The following TPRG1 variants were observed in gnomAD, a reference collection of about 807,000 sequenced individuals.
TPRG1 encodes the protein tumor protein p63-regulated gene 1 protein.
TPRG1 carries 29 observed loss-of-function variants against 29.3 expected under a neutral mutation model. The observed-to-expected ratio is 0.99, with a 90% CI of 0.74 to 1.35. The LOEUF (loss-of-function observed/expected upper bound fraction) is 1.35. Ranked by LOEUF, TPRG1 falls within the 40% of genes most tolerant of loss-of-function variation. TPRG1 has a pLI of 0.00. For missense variants in TPRG1, 327 were observed against 335.0 expected (o/e 0.98, Z 0.19); for synonymous variants, 130 against 116.8 (o/e 1.11, Z -0.73).
chr3:189,198,947 A>G (rs1024218091), intron 1 of TPRG1, among the ~76,000 whole-genome samples: 1 of 152,202 alleles, frequency 6.6e-6, no homozygotes, highest in African/African-American at 2.4e-5. Flanking sequence ...TTCTTTATGT[A>G]TTTTTTGAGA....
intron 5 of TPRG1, among the ~76,000 whole-genome samples, chr3:189,161,845 G>A (rs975238255): frequency 6.6e-6 from 1 of 152,190 alleles, no homozygotes; most frequent in Non-Finnish European, 1.5e-5. Context: ...GAGGGTCAAG[G>A]TGAAGGCAGA....
intron 1 of TPRG1, among the ~76,000 whole-genome samples, chr3:188,999,850 C>G (rs1456748583): frequency 6.6e-6 from 1 of 151,932 alleles, no homozygotes; most frequent in Non-Finnish European, 1.5e-5. Context: ...TACATATATA[C>G]GTACATACTT....
chr3:189,067,590 G>A (rs957752066), intron 4 of TPRG1, among the ~76,000 whole-genome samples: 45 of 152,138 alleles, frequency 3.0e-4, no homozygotes, highest in African/African-American at 1.4e-4. Flanking sequence ...TCTTAAGTAA[G>A]TGGTGGTGGG....
At chr3:189,192,743 TCTTTCTC>T (rs112944205) in intron 1 of TPRG1, among the ~76,000 whole-genome samples, 4 of 152,306 alleles carry the variant, frequency 2.6e-5, no homozygotes, top group African/African-American at 9.6e-5. Flanking sequence ...CTTCTTTTTT[TCTTTCTC>T]CTTTGAGTAT....
intron 5 of TPRG1, among the ~76,000 whole-genome samples, chr3:189,159,870 T>TGTGTGTGTGG: frequency 9.9e-6 from 1 of 101,060 alleles, no homozygotes; most frequent in African/African-American, 3.2e-5. Context: ...GTGTGTGTGG[T>TGTGTGTGTGG]GGTGGGGGTA....
intron 4 of TPRG1, among the ~76,000 whole-genome samples, chr3:189,024,633 G>T (rs986663722): frequency 1.3e-5 from 2 of 152,182 alleles, no homozygotes; most frequent in Admixed American, 6.5e-5. Context: ...GAACAGATGA[G>T]CTGTCCAAAC....
chr3:189,175,631 GA>G (rs1445557978), intron 1 of TPRG1, among the ~76,000 whole-genome samples: 1 of 151,726 alleles, frequency 6.6e-6, no homozygotes, highest in East Asian at 1.9e-4. Flanking sequence ...AGAAGTAACA[GA>G]AAAAAAAGAA....
intron 4 of TPRG1, among the ~76,000 whole-genome samples, chr3:189,028,123 T>A (rs1713754580): frequency 6.6e-6 from 1 of 152,142 alleles, no homozygotes; most frequent in Admixed American, 6.5e-5. Flanking sequence ...TTCTGGTGAA[T>A]AACAGGAAGA....
intron 4 of TPRG1, among the ~76,000 whole-genome samples, chr3:189,295,116 A>G (rs1045450685): frequency 3.3e-5 from 5 of 152,190 alleles, no homozygotes; most frequent in Non-Finnish European, 5.9e-5. Context: ...TTCTCATTAT[A>G]CTTTTTCATG....
chr3:189,134,057 C>T (rs1723425621), intron 3 of TPRG1, among the ~76,000 whole-genome samples: 1 of 152,118 alleles, frequency 6.6e-6, no homozygotes. Flanking sequence ...GTTAGCTATT[C>T]AACCCATAGT....
intron 4 of TPRG1, among the ~76,000 whole-genome samples, chr3:189,077,051 T>C (rs1026380222): frequency 6.6e-6 from 1 of 152,082 alleles, no homozygotes; most frequent in South Asian, 2.1e-4. Context: ...AGTGATGATA[T>C]GGAGCAAGTG....
chr3:189,314,955 A>T (rs1186887639), intron 5 of TPRG1, among the ~76,000 whole-genome samples: 2 of 152,140 alleles, frequency 1.3e-5, no homozygotes, highest in Non-Finnish European at 2.9e-5. Flanking sequence ...CCATGTCTTT[A>T]AAAAAACTTA....
intron 5 of TPRG1, among the ~76,000 whole-genome samples, chr3:189,316,697 T>C (rs143235361): frequency 6.6e-6 from 1 of 152,278 alleles, no homozygotes; most frequent in African/African-American, 2.4e-5. Flanking sequence ...TACTTTATCC[T>C]AACCAACACA....
chr3:189,083,503 AT>A (rs1165011598), intron 4 of TPRG1, among the ~76,000 whole-genome samples: 1 of 152,146 alleles, frequency 6.6e-6, no homozygotes, highest in African/African-American at 2.4e-5. Context: ...GGTGACTTTA[AT>A]TTTAATACCA....
At chr3:189,039,783 T>G (rs1714511577) in intron 4 of TPRG1, among the ~76,000 whole-genome samples, 1 of 152,164 alleles carries the variant, frequency 6.6e-6, no homozygotes, top group Admixed American at 6.5e-5. Context: ...GTGAAGCTTG[T>G]CTTAATTCAG....
chr3:189,070,841 G>A (rs1388142456), intron 4 of TPRG1, among the ~76,000 whole-genome samples: 2 of 152,098 alleles, frequency 1.3e-5, no homozygotes, highest in Non-Finnish European at 2.9e-5. Flanking sequence ...TGGGGCTTGC[G>A]AGAAGTGTGA....
At chr3:189,004,076 A>G (rs1712167571) in intron 2 of TPRG1, among the ~76,000 whole-genome samples, 1 of 152,150 alleles carries the variant, frequency 6.6e-6, no homozygotes, top group Non-Finnish European at 1.5e-5. Flanking sequence ...AGGGCCAAAA[A>G]AGACAAAATG....
intron 4 of TPRG1, among the ~76,000 whole-genome samples, chr3:189,290,504 C>T (rs902517344): frequency 2.0e-5 from 3 of 152,212 alleles, no homozygotes; most frequent in Admixed American, 2.0e-4. Context: ...TTTGTCTTAA[C>T]CCCTGTTAGG....
chr3:189,045,841 C>G (rs1714941315), intron 4 of TPRG1, among the ~76,000 whole-genome samples: 1 of 152,232 alleles, frequency 6.6e-6, no homozygotes, highest in African/African-American at 2.4e-5. Flanking sequence ...GGAAGTCTGC[C>G]TGCTGCAGAG....
Sources: allele counts gnomAD v4.1 joint callset (sites outside exome capture counted in the v4.1 genomes callset), GRCh38; gene constraint gnomAD v4.1.1; transcripts MANE v1.5; gene names NCBI Gene and HGNC (gene_info 2026-07-23, HGNC 2026-07-21).